ITGAV: variants seen among roughly 807,000 people sequenced by gnomAD.
The protein encoded by ITGAV is integrin alpha-V.
Under a neutral mutation model 143.8 loss-of-function variants are expected in ITGAV, and 76 were observed. The ratio of observed to expected loss-of-function variants is 0.53; its 90% CI spans 0.44 to 0.64. The LOEUF (loss-of-function observed/expected upper bound fraction) is 0.64. ITGAV is among the 30% of genes least tolerant of loss of function. The pLI is 0.00. For synonymous variants in ITGAV, 453 were observed against 446.7 expected (o/e 1.01, Z -0.18); for missense variants, 1,193 against 1,274.7 (o/e 0.94, Z 0.98).
intron 2 of ITGAV, among the ~76,000 whole-genome samples, chr2:186,614,346 A>G (rs560519206): frequency 7.9e-5 from 12 of 152,038 alleles, no homozygotes; most frequent in Non-Finnish European, 1.8e-4. Flanking sequence ...TACAAAATAC[A>G]TAAAGTTATA....
chr2:186,634,416 T>C (rs1330733243), intron 6 of ITGAV, among the ~76,000 whole-genome samples: 10 of 152,000 alleles, frequency 6.6e-5, no homozygotes, highest in Non-Finnish European at 1.3e-4. Flanking sequence ...TTTCAAATTT[T>C]ACTCTATTTT....
rs1000699963 is a variant in ITGAV, at chr2:186,652,022, T to G, written c.1438T>G (p.Tyr480Asp). 3.7e-6 allele frequency: 6 copies of G among 1,613,480 alleles called. No individual in the cohort carries two copies. The African/African-American group carries it at 8.0e-5, about 22-fold the overall frequency. Reference sequence around the variant, plus strand: ...CACTGTAAATGCTGGTCTTGAAGTGTACCCTAGCATTTTAAATCAAGACAA... The same window carrying G: ...CACTGTAAATGCTGGTCTTGAAGTGGACCCTAGCATTTTAAATCAAGACAA... ...VITVNAGLEV[Y>D]PSILNQDNKT... The change falls in exon 15 of 30, where the codon TAC becomes GAC. Residue 480 changes from tyrosine (Y) to aspartate (D), a missense_variant. Tyr to Asp is a radical substitution (Grantham distance 160). Coordinates refer to ENST00000261023, the MANE Select transcript of ITGAV (RefSeq NM_002210.5).
At chr2:186,656,532 G>A (rs1415475189) in intron 17 of ITGAV, 131 bp downstream of exon 17, 1 of 659,198 alleles carries the variant, frequency 1.5e-6, no homozygotes, top group Non-Finnish European at 2.4e-6. Context: ...AGGAAATTTA[G>A]CTTTGTAAAG....
intron 3 of ITGAV, among the ~76,000 whole-genome samples, 189 bp from the exon 4 acceptor site, chr2:186,625,284 A>G (rs1399480902): frequency 6.6e-6 from 1 of 152,122 alleles, no homozygotes; most frequent in African/African-American, 2.4e-5. Context: ...GGTAAGGCCA[A>G]TTATTTGAGC....
At chr2:186,665,099 T>C (rs994916102) in intron 20 of ITGAV, 27 bp from the exon 21 acceptor site, 35 of 624,640 alleles carry the variant, frequency 5.6e-5, no homozygotes, top group Non-Finnish European at 7.5e-5. Flanking sequence ...CATATCCATT[T>C]TTTTTTTTTT....
At chr2:186,640,084 C>G (rs1688060351) in intron 10 of ITGAV, among the ~76,000 whole-genome samples, 1 of 152,194 alleles carries the variant, frequency 6.6e-6, no homozygotes, top group Admixed American at 6.5e-5. Flanking sequence ...GCATTGCTAA[C>G]TTTCCTTTTT....
At chr2:186,613,148 CT>C (rs76180545) in intron 2 of ITGAV, among the ~76,000 whole-genome samples, 1,941 of 120,186 alleles carry the variant, frequency 0.016, 10 homozygotes, top group African/African-American at 0.027. Flanking sequence ...ATGGGATTGG[CT>C]TTTTTTTTTT....
chr2:186,600,109 C>T (rs1291064713), intron 1 of ITGAV: 2 of 480,418 alleles, frequency 4.2e-6, no homozygotes, highest in South Asian at 4.5e-5. Flanking sequence ...AAAGTTTAAC[C>T]ATGGCCAAAA....
chr2:186,673,739 C>T (rs1349192635), intron 26 of ITGAV, among the ~76,000 whole-genome samples: 7 of 151,960 alleles, frequency 4.6e-5, no homozygotes, highest in Non-Finnish European at 8.8e-5. Flanking sequence ...GTGATCTCGA[C>T]TCATTGCAAC....
chr2:186,646,933 GT>G, intron 13 of ITGAV, 56 bp downstream of exon 13: 1 of 1,105,652 alleles, frequency 9.0e-7, no homozygotes, highest in Non-Finnish European at 1.3e-6. Context: ...ATAGCAAATA[GT>G]ATTAGTTACT....
At chr2:186,646,488 A>C (rs1688262017) in intron 12 of ITGAV, among the ~76,000 whole-genome samples, 198 bp from the exon 13 acceptor site, 1 of 152,152 alleles carries the variant, frequency 6.6e-6, no homozygotes, top group Non-Finnish European at 1.5e-5. Context: ...ACCCTACTGA[A>C]CTTTGAATTA....
Position 186,638,307 on chromosome 2 carries a change from G to A in ITGAV, c.833G>A (p.Arg278Lys), listed in dbSNP as rs199603191. ...GTTTCAGGAGTTCCAAGAGCAGCAAGGACTTTGGGAATGGTAGGACAGTTA... is the reference window on the plus strand; with the variant it reads ...GTTTCAGGAGTTCCAAGAGCAGCAAAGACTTTGGGAATGGTAGGACAGTTA... ...DFVSGVPRAA[R>K]TLGMVYIYDG... The change falls in exon 9 of 30, where the codon AGG (arginine) becomes AAG (lysine). Residue 278 changes from arginine (R) to lysine (K), a missense_variant. Transcript: ENST00000261023. The A allele has an allele frequency of 4.3e-6, 7 of 1,613,658 alleles. No homozygotes were observed. The highest frequency in any genetic ancestry group is 5.9e-6 in the Non-Finnish European group (7 of 1,179,810).
At chr2:186,647,864 G>C (rs567612176) in intron 13 of ITGAV, among the ~76,000 whole-genome samples, 1 of 152,140 alleles carries the variant, frequency 6.6e-6, no homozygotes, top group Non-Finnish European at 1.5e-5. Context: ...GTGTTGGTCT[G>C]TTTCCAGAAA....
At chr2:186,673,191 A>G (rs1689114169) in intron 26 of ITGAV, among the ~76,000 whole-genome samples, 1 of 152,194 alleles carries the variant, frequency 6.6e-6, no homozygotes, top group Non-Finnish European at 1.5e-5. Flanking sequence ...TTCCCCTTAA[A>G]TGGTCTTGGC....
At position 186,663,832 on chromosome 2, in the gene ITGAV, A is replaced by G; in HGVS notation, c.1922A>G (p.Asp641Gly). ...VCKPKLEVSV[D>G]SDQKKIYIGD... ...AAACCCAAGCTGGAAGTTTCTGTAG[A>G]TAGGTAAGTTTTGCTTGAAATAATA... Residue 641 changes from aspartate (D) to glycine (G), a missense_variant, in exon 19 of 30, where the codon GAT becomes GGT. Asp to Gly is a moderately conservative substitution (Grantham distance 94). Transcript: ENST00000261023. The G allele has an allele frequency of 7.5e-6, 12 of 1,606,664 alleles. No individual in the cohort carries two copies. Among genetic ancestry groups the G allele is most frequent in the Non-Finnish European group, 1.0e-5 (12 of 1,173,638 alleles).
chr2:186,667,847 T>G, intron 24 of ITGAV, 71 bp downstream of exon 24: 1 of 766,240 alleles, frequency 1.3e-6, no homozygotes, highest in East Asian at 2.8e-5. Flanking sequence ...TAAGCTACTT[T>G]AAAAAAAAAA....
At chr2:186,648,558 G>A (rs567793421) in intron 13 of ITGAV, among the ~76,000 whole-genome samples, 13 of 152,238 alleles carry the variant, frequency 8.5e-5, no homozygotes, top group African/African-American at 2.2e-4. Context: ...TTCACCGCCC[G>A]GGTTCAAGAG....
intron 1 of ITGAV, among the ~76,000 whole-genome samples, chr2:186,591,463 C>G (rs748490121): frequency 1.3e-5 from 2 of 152,030 alleles, no homozygotes; most frequent in Non-Finnish European, 2.9e-5. Flanking sequence ...ATCTTGTTTT[C>G]AAGAGAGAAA....
chr2:186,653,725 G>A (rs1688506338), intron 15 of ITGAV, among the ~76,000 whole-genome samples: 1 of 152,106 alleles, frequency 6.6e-6, no homozygotes, highest in South Asian at 2.1e-4. Flanking sequence ...TTCTAATTAT[G>A]TTAGTAATTC....
Sources: allele counts gnomAD v4.1 joint callset (sites outside exome capture counted in the v4.1 genomes callset), GRCh38; gene constraint gnomAD v4.1.1; transcripts MANE v1.5; gene names NCBI Gene and HGNC (gene_info 2026-07-23, HGNC 2026-07-21).